The following STAG3 variants were observed in gnomAD, a reference collection of about 807,000 sequenced individuals.
STAG3 encodes the protein STAG3 cohesin complex component.
STAG3 carries 101 observed loss-of-function variants against 160.7 expected under a neutral mutation model. That is an observed-to-expected ratio of 0.63 (90% CI 0.54 to 0.74). The LOEUF (loss-of-function observed/expected upper bound fraction) is 0.74, where lower values mean the gene tolerates loss of function less well. STAG3 is among the 30% of genes least tolerant of loss of function. STAG3 has a pLI of 0.00. For synonymous variants in STAG3, 519 were observed against 585.0 expected, an observed-to-expected ratio of 0.89 and a Z score of 1.63; for missense variants, 1,188 against 1,517.4, an observed-to-expected ratio of 0.78 and a Z score of 3.61.
chr7:100,216,785 G>T (rs1584821338), downstream of STAG3, among the ~76,000 whole-genome samples: 2 of 151,648 alleles, frequency 1.3e-5, no homozygotes, highest in East Asian at 3.9e-4. Context: ...AAAAAAAAAA[G>T]TTCAATTTAT....
At chr7:100,195,450 G>A (rs1190953531) in intron 9 of STAG3, 68 bp downstream of exon 9, 16 of 1,457,522 alleles carry the variant, frequency 1.1e-5, no homozygotes, top group East Asian at 2.3e-5. Context: ...AAGTGAATAA[G>A]GTTTTCCCCC....
In STAG3 at chr7:100,199,566, A is replaced by G. The variant is rs774562681; in HGVS notation, c.1599A>G (p.Thr533=). ...DQNLGDVQES[T]LIEILVSSAR... is the part of the protein sequence containing the mutation. The stretch of plus-strand genomic sequence containing the variant: ...ACCTGGGTGATGTGCAGGAGAGCAC[A>G]CTGATAGAAATCCTTGTGTCCAGTG... The change falls in exon 16 of 34, where the codon ACA becomes ACG. Residue 533 remains threonine, a synonymous_variant. Transcript: ENST00000615138. 15 of 1,604,778 alleles carry G rather than the reference A, an allele frequency of 9.3e-6. No individual in the cohort carries two copies. Among genetic ancestry groups the G allele is most frequent in the Non-Finnish European group, 1.3e-5 (15 of 1,175,832 alleles).
downstream of STAG3, among the ~76,000 whole-genome samples, chr7:100,217,030 C>T (rs1321169359): frequency 6.6e-6 from 1 of 152,036 alleles, no homozygotes; most frequent in Admixed American, 6.5e-5. Flanking sequence ...GTGTGAGCTG[C>T]AGTGTGTGGT....
chr7:100,216,094 C>T (rs1409531389), downstream of STAG3, among the ~76,000 whole-genome samples: 2 of 152,108 alleles, frequency 1.3e-5, no homozygotes, highest in African/African-American at 2.4e-5. Context: ...CCCTGTTTTT[C>T]AGTTTTCCCA....
chr7:100,208,883 C>G (rs1801909353), intron 29 of STAG3, among the ~76,000 whole-genome samples: 1 of 152,054 alleles, frequency 6.6e-6, no homozygotes, highest in South Asian at 2.1e-4. Flanking sequence ...AGACTCAACA[C>G]AAATGTTGGG....
intron 3 of STAG3, 91 bp downstream of exon 3, chr7:100,182,283 CA>C (rs1219670261): frequency 1.1e-6 from 1 of 925,986 alleles, no homozygotes; most frequent in Non-Finnish European, 1.7e-6. Flanking sequence ...GGCGTGAACC[CA>C]GGGGGCAGAG....
At chr7:100,216,115 A>T (rs1158358466), downstream of STAG3, among the ~76,000 whole-genome samples, 1 of 152,180 alleles carries the variant, frequency 6.6e-6, no homozygotes, top group East Asian at 1.9e-4. Flanking sequence ...GCTGAGGTCC[A>T]GGGATCAGGG....
At chr7:100,205,159 T>G in intron 28 of STAG3, 26 bp downstream of exon 28, 1 of 1,613,750 alleles carries the variant, frequency 6.2e-7, no homozygotes, top group South Asian at 1.1e-5. Flanking sequence ...GATAGAGATG[T>G]GGATTAGGGA....
chr7:100,210,594 CT>C (rs1295638367), intron 29 of STAG3, among the ~76,000 whole-genome samples: 1 of 152,166 alleles, frequency 6.6e-6, no homozygotes, highest in African/African-American at 2.4e-5. Flanking sequence ...CCATTTACAG[CT>C]TTTTCTGACC....
Position 100,189,009 on chromosome 7 carries a change from C to T in STAG3, c.708C>T (p.Thr236=), listed in dbSNP as rs755578144. The change falls in exon 7 of 34, where the codon ACC becomes ACT. Residue 236 remains threonine (T), a synonymous_variant. Transcript: ENST00000615138. ...TCCGCGCCTTCCGTCACACTAGCAC[C>T]CTGGCTGGTGAGCATTCATTTTTAC... ...SQVRAFRHTS[T]LAAMKLMTSL... 1.2e-6 allele frequency: 2 copies of T among 1,614,142 alleles called. No individual in the cohort carries two copies. The highest frequency in any genetic ancestry group is 3.3e-5 in the Admixed American group (2 of 60,014).
Position 100,207,181 on chromosome 7 carries a change from G to T in STAG3, c.3238+1797G>T, listed in dbSNP as rs970478999. ...TTTTATGCATAATGCTGCTAAACAT[G>T]CATGTACACATTTTTGGGTGGATGC... On this transcript the variant is annotated intron_variant, in intron 29 of 33. Coordinates refer to ENST00000615138, the MANE Select transcript of STAG3 (RefSeq NM_001282717.2). The surrounding 1 kb of genome is among the most constrained non-coding windows in gnomAD (Gnocchi z 4.0). 4.6e-5 allele frequency among the ~76,000 whole-genome samples: 7 copies of T among 152,166 alleles called. No homozygotes were observed. The highest frequency in any genetic ancestry group is 8.8e-5 in the Non-Finnish European group (6 of 68,038).
chr7:100,183,761 T>C (rs779038649), intron 4 of STAG3, among the ~76,000 whole-genome samples: 4 of 152,236 alleles, frequency 2.6e-5, no homozygotes, highest in African/African-American at 9.6e-5. Context: ...TATGAATATG[T>C]TCTTTAATTA....
intron 6 of STAG3, 47 bp from the exon 7 acceptor site, chr7:100,188,765 T>C: frequency 1.3e-6 from 2 of 1,594,784 alleles, no homozygotes; most frequent in South Asian, 1.1e-5. Flanking sequence ...TATGACTTCA[T>C]GGACCTGGTA....
intron 29 of STAG3, among the ~76,000 whole-genome samples, chr7:100,208,244 T>A (rs1801846752): frequency 1.3e-5 from 2 of 152,220 alleles, no homozygotes. Context: ...CACCTAAAAT[T>A]ATGTCTTATA....
At chr7:100,214,671 C>G (rs1802608444), downstream of STAG3, among the ~76,000 whole-genome samples, 1 of 152,034 alleles carries the variant, frequency 6.6e-6, no homozygotes, top group South Asian at 2.1e-4. Context: ...CCTGTCTCAC[C>G]CATGTGAGCC....
Position 100,199,264 on chromosome 7 carries a change from C to T in STAG3, c.1470C>T (p.Leu490=), listed in dbSNP as rs772416588. The T allele has an allele frequency of 6.2e-7, 1 of 1,612,356 alleles. No individual in the cohort carries two copies. The highest frequency in any genetic ancestry group is 1.1e-5 in the South Asian group (1 of 91,058). ...LLLSFFVESE[L]HDHAAYLVDS... is the part of the protein sequence containing the mutation. ...TCCCCATGCACGTTCTCCCCTAGCT[C>T]CATGACCACGCTGCTTACTTAGTAG... The change falls in exon 15 of 34, where the codon CTC becomes CTT. Residue 490 remains leucine (L), a splice_region_variant and synonymous_variant. Coordinates refer to ENST00000615138, the MANE Select transcript of STAG3 (RefSeq NM_001282717.2).
At chr7:100,200,113 G>A (rs1002515125) in intron 16 of STAG3, 123 bp from the exon 17 acceptor site, 6 of 587,790 alleles carry the variant, frequency 1.0e-5, no homozygotes, top group East Asian at 3.0e-5. Flanking sequence ...AAGAAATCTC[G>A]TGGGAGCTAC....
intron 29 of STAG3, among the ~76,000 whole-genome samples, chr7:100,209,199 C>A (rs1291575751): frequency 6.6e-6 from 1 of 152,226 alleles, no homozygotes; most frequent in Non-Finnish European, 1.5e-5. Context: ...AGGTTACACA[C>A]AACACTTTCA....
intron 4 of STAG3, among the ~76,000 whole-genome samples, 193 bp downstream of exon 4, chr7:100,183,032 T>G (rs10252884): frequency 1.3e-5 from 2 of 151,690 alleles, no homozygotes; most frequent in Non-Finnish European, 2.9e-5. Context: ...TTTTTTTTTT[T>G]AGACAGAGTC....
Sources: allele counts gnomAD v4.1 joint callset (sites outside exome capture counted in the v4.1 genomes callset), GRCh38; gene constraint gnomAD v4.1.1; non-coding constraint Gnocchi (gnomAD v3.1); transcripts MANE v1.5; gene names NCBI Gene and HGNC (gene_info 2026-07-23, HGNC 2026-07-21).